Variants in UGT1A9 observed in about 807,000 individuals in gnomAD.
The protein encoded by UGT1A9 is UDP-glucuronosyltransferase 1A9.
Under a neutral mutation model 45.0 loss-of-function variants are expected in UGT1A9, and 35 were observed. That is an observed-to-expected ratio of 0.78 (90% CI 0.59 to 1.03). The LOEUF is 1.03. Ranked by LOEUF, UGT1A9 falls within the 50% of genes least tolerant of loss-of-function variation. The pLI is 0.00. For missense variants in UGT1A9, 687 were observed against 666.6 expected (o/e 1.03, Z -0.34); for synonymous variants, 278 against 250.6 (o/e 1.11, Z -1.03).
intron 1 of UGT1A9, among the ~76,000 whole-genome samples, chr2:233,695,937 TCTGCCAGATACCAG>T (rs1024121397): frequency 2.2e-4 from 34 of 152,244 alleles, no homozygotes; most frequent in Middle Eastern, 3.4e-3. Context: ...AGCAGGCAAT[TCTGCCAGATACCAG>T]CTGGGTGTCC....
chr2:233,745,363 G>T (rs1011191922), intron 1 of UGT1A9, among the ~76,000 whole-genome samples: 1 of 151,804 alleles, frequency 6.6e-6, no homozygotes, highest in African/African-American at 2.4e-5. Flanking sequence ...ATTTTTTTGA[G>T]ATCTGAGTTC....
intron 1 of UGT1A9, among the ~76,000 whole-genome samples, chr2:233,705,875 G>C (rs923785055): frequency 6.6e-6 from 1 of 152,126 alleles, no homozygotes; most frequent in Non-Finnish European, 1.5e-5. Flanking sequence ...ATCACTTGAG[G>C]CCAGGAGTTC....
At chr2:233,691,449 C>T (rs1372399366) in intron 1 of UGT1A9, 3 of 985,606 alleles carry the variant, frequency 3.0e-6, no homozygotes, top group South Asian at 4.7e-5. Flanking sequence ...CTTCTCCCTT[C>T]CTGGGCCCCA....
At chr2:233,702,428 C>A (rs1245005959) in intron 1 of UGT1A9, among the ~76,000 whole-genome samples, 1 of 152,062 alleles carries the variant, frequency 6.6e-6, no homozygotes, top group African/African-American at 2.4e-5. Context: ...TTACTTCTTC[C>A]TTTCTAATAA....
chr2:233,723,718 G>A (rs1250087108), intron 1 of UGT1A9, among the ~76,000 whole-genome samples: 1 of 83,498 alleles, frequency 1.2e-5, no homozygotes, highest in African/African-American at 6.1e-5. Context: ...TGAGATTAGG[G>A]ATTGGTGATG....
intron 1 of UGT1A9, chr2:233,682,428 C>T (rs2074578708): frequency 1.2e-6 from 2 of 1,613,738 alleles, no homozygotes; most frequent in African/African-American, 1.3e-5. Context: ...TTCTCCCTCC[C>T]CTCTGTGGTC....
intron 1 of UGT1A9, among the ~76,000 whole-genome samples, chr2:233,747,054 T>C (rs1171712187): frequency 6.6e-6 from 1 of 151,960 alleles, no homozygotes; most frequent in Non-Finnish European, 1.5e-5. Flanking sequence ...AAGACAATGA[T>C]TGGTTAATCG....
At chr2:233,728,368 C>G (rs1168371708) in intron 1 of UGT1A9, among the ~76,000 whole-genome samples, 11 of 152,282 alleles carry the variant, frequency 7.2e-5, no homozygotes, top group African/African-American at 2.2e-4. Context: ...CTGAACCCAC[C>G]ATGGGTCTTT....
chr2:233,766,905 T>C, intron 1 of UGT1A9, 129 bp from the exon 2 acceptor site: 15 of 1,501,130 alleles, frequency 1.0e-5, no homozygotes, highest in Non-Finnish European at 1.2e-5. Flanking sequence ...AATAATTTTT[T>C]ACTCTATCTC....
intron 1 of UGT1A9, among the ~76,000 whole-genome samples, chr2:233,727,176 C>G (rs2077590030): frequency 6.6e-6 from 1 of 152,122 alleles, no homozygotes; most frequent in Non-Finnish European, 1.5e-5. Context: ...TTTTCTGTCT[C>G]TGGACTTTGC....
intron 1 of UGT1A9, among the ~76,000 whole-genome samples, chr2:233,724,618 G>T (rs1325870277): frequency 7.3e-6 from 1 of 137,158 alleles, no homozygotes; most frequent in South Asian, 2.8e-4. Context: ...GGGCAGAGAC[G>T]CTCCTCACTT....
intron 1 of UGT1A9, chr2:233,747,813 A>T (rs1693784433): frequency 6.2e-7 from 1 of 1,613,434 alleles, no homozygotes; most frequent in African/African-American, 1.3e-5. Context: ...ACTAACGACC[A>T]ATTCAGACCA....
At position 233,731,965 on chromosome 2, in the gene UGT1A9, A is replaced by T. The variant is rs1487707523; in HGVS notation, c.856-35069A>T. ...ACATCTGTTGTTTCCTGACTTTTTA[A>T]TGGTCACCATTCTAACTGGCGTGAG... On this transcript the variant is annotated intron_variant, in intron 1 of 4. Coordinates refer to ENST00000354728, the MANE Select transcript of UGT1A9 (RefSeq NM_021027.3). 2.6e-5 allele frequency among the ~76,000 whole-genome samples: 4 copies of T among 152,240 alleles called. No individual in the cohort carries two copies. The East Asian group carries it at 7.7e-4, about 29-fold the overall frequency.
intron 1 of UGT1A9, among the ~76,000 whole-genome samples, chr2:233,763,842 A>G (rs1366123587): frequency 6.6e-6 from 1 of 152,224 alleles, no homozygotes; most frequent in Non-Finnish European, 1.5e-5. Context: ...AGGGTAAGAT[A>G]GCAGTGGTTC....
chr2:233,694,976 T>C (rs553347188), intron 1 of UGT1A9, among the ~76,000 whole-genome samples: 122 of 152,352 alleles, frequency 8.0e-4, no homozygotes, highest in African/African-American at 2.9e-3. Flanking sequence ...ATTCCTTCCT[T>C]ATGTTGGGAA....
intron 1 of UGT1A9, chr2:233,693,799 G>T (rs1193505615): frequency 6.2e-7 from 1 of 1,614,036 alleles, no homozygotes; most frequent in Non-Finnish European, 8.5e-7. Flanking sequence ...AATATCCTAG[G>T]CCGGTCATGC....
intron 1 of UGT1A9, 47 bp downstream of exon 1, chr2:233,672,836 A>C: frequency 6.4e-7 from 1 of 1,556,988 alleles, no homozygotes; most frequent in Non-Finnish European, 8.7e-7. Flanking sequence ...CACCTTTGGA[A>C]ATTAAAAAAG....
intron 1 of UGT1A9, among the ~76,000 whole-genome samples, chr2:233,677,371 C>T (rs1418519199): frequency 6.6e-6 from 1 of 152,014 alleles, no homozygotes. Context: ...GGGACCAACC[C>T]GTGTGTAGTA....
chr2:233,760,441 C>T (rs2125984132), intron 1 of UGT1A9: 2 of 1,614,208 alleles, frequency 1.2e-6, no homozygotes, highest in Non-Finnish European at 1.7e-6. Flanking sequence ...GCAGCTGCAG[C>T]AGAGGGGACA....
Sources: allele counts gnomAD v4.1 joint callset (sites outside exome capture counted in the v4.1 genomes callset), GRCh38; gene constraint gnomAD v4.1.1; transcripts MANE v1.5; gene names NCBI Gene and HGNC (gene_info 2026-07-23, HGNC 2026-07-21).